The following CHD6 variants were observed in gnomAD, a reference collection of about 807,000 sequenced individuals.
The protein encoded by CHD6 is ATP-dependent chromatin remodeler CHD6.
In CHD6, 50 loss-of-function variants were observed where a neutral mutation model predicts 276.9. The observed-to-expected ratio is 0.18, with a 90% confidence interval of 0.14 to 0.23. The LOEUF (loss-of-function observed/expected upper bound fraction) is 0.23, where lower values mean the gene tolerates loss of function less well. Ranked by LOEUF, CHD6 falls within the 10% of genes least tolerant of loss-of-function variation. The probability of loss-of-function intolerance (pLI) is 1.00; values close to 1 mark genes in which losing one functional copy is unlikely to be tolerated. For synonymous variants in CHD6, 1,173 were observed against 1,229.3 expected (o/e 0.95, Z 0.96); for missense variants, 2,564 against 3,365.8 (o/e 0.76, Z 5.89).
At chr20:41,582,667 A>C (rs1237260682) in intron 1 of CHD6, among the ~76,000 whole-genome samples, 1 of 152,234 alleles carries the variant, frequency 6.6e-6, no homozygotes, top group Non-Finnish European at 1.5e-5. Context: ...CAAACTAAGA[A>C]AGATGACCAA....
At chr20:41,426,280 C>A in intron 27 of CHD6, 127 bp from the exon 28 acceptor site, 1 of 752,374 alleles carries the variant, frequency 1.3e-6, no homozygotes, top group Non-Finnish European at 2.4e-6. Context: ...ACAACTCAGA[C>A]CAAGATAGGA....
At chr20:41,550,939 T>G (rs1448943596) in intron 2 of CHD6, among the ~76,000 whole-genome samples, 1 of 152,226 alleles carries the variant, frequency 6.6e-6, no homozygotes, top group African/African-American at 2.4e-5. Flanking sequence ...GTAAGAATGC[T>G]TTTAGTTTAA....
At chr20:41,544,043 C>T (rs1331252359) in intron 2 of CHD6, among the ~76,000 whole-genome samples, 2 of 152,124 alleles carry the variant, frequency 1.3e-5, no homozygotes, top group African/African-American at 2.4e-5. Flanking sequence ...AGTTTGAGAT[C>T]AGCCTGGGCA....
At chr20:41,534,940 T>G (rs1386353972) in intron 2 of CHD6, among the ~76,000 whole-genome samples, 2 of 152,156 alleles carry the variant, frequency 1.3e-5, no homozygotes, top group African/African-American at 4.8e-5. Flanking sequence ...TTGGCTCCTG[T>G]GAAGTGCAGA....
rs141169475 is a variant in CHD6, at chr20:41,567,169, G to T, written c.-23-15809C>A. 6.6e-5 allele frequency among the ~76,000 whole-genome samples: 10 copies of T among 152,242 alleles called. No individual in the cohort carries two copies. In the East Asian group the frequency reaches 1.9e-3, roughly 29 times the overall value. The stretch of plus-strand genomic sequence containing the variant: ...CTCTGTTGTTAATTGACTGTACCCT[G>T]GTGTGATGCGCCATCAGGTCTGGCC... On this transcript the variant is annotated intron_variant, in intron 1 of 36. Transcript: ENST00000373233.
intron 2 of CHD6, among the ~76,000 whole-genome samples, chr20:41,534,493 T>A (rs1288704736): frequency 6.6e-6 from 1 of 152,054 alleles, no homozygotes; most frequent in Admixed American, 6.6e-5. Flanking sequence ...CCTTCTGTTT[T>A]TCCAGTTTCT....
rs113550459 is a variant in CHD6, at chr20:41,417,359, G to C, written c.6128-10C>G. ...TACTTCCCTGGATAATCTGGGAAGA[G>C]GTTAAAAAATTAATCAGGCACTTAA... On this transcript the variant is annotated splice_polypyrimidine_tract_variant and intron_variant, in intron 31 of 36. Transcript: ENST00000373233. 4.2e-5 allele frequency: 68 copies of C among 1,608,162 alleles called. 3 individuals are homozygous for C. Among genetic ancestry groups the C allele is most frequent in the African/African-American group, 4.1e-4 (31 of 74,788 alleles).
At chr20:41,467,118 C>A (rs924982097) in intron 17 of CHD6, among the ~76,000 whole-genome samples, 14 of 152,038 alleles carry the variant, frequency 9.2e-5, no homozygotes, top group Admixed American at 7.2e-4. Flanking sequence ...GAAAAATAAA[C>A]CCCTGTTTGG....
Position 41,498,795 on chromosome 20 carries a change from ATGTATGTATGTATGTATGTGTGTGTG to A in CHD6, c.915+474_915+499del, listed in dbSNP as rs2043750347. Among the ~76,000 whole-genome samples the A allele has an allele frequency of 5.0e-5, 4 of 79,556 alleles. No individual in the cohort carries two copies. The South Asian group carries it at 1.7e-3, about 35-fold the overall frequency. 52.2% of individuals were successfully genotyped at this position (79,556 alleles called of 152,430 possible). ...TGTGTATGTGTGTATGTATGTATGT[ATGTATGTATGTATGTATGTGTGTGTG>A]TGTGTGTGTGTGTGTGTGTGTGTGT... On this transcript the variant is annotated intron_variant, in intron 6 of 36. Coordinates refer to ENST00000373233, the MANE Select transcript of CHD6 (RefSeq NM_032221.5).
rs138003835 is a variant in CHD6 at position 41,457,283 on chromosome 20, C to T, written c.2810G>A (p.Arg937Gln). The change falls in exon 18 of 37, where the codon CGA (arginine) becomes CAA (glutamine). Residue 937 changes from arginine (R) to glutamine (Q), a missense_variant. This residue lies in a region of CHD6 where 457 missense variants were observed against 889.0 expected (regional missense o/e 0.51). Transcript: ENST00000373233. Reference protein sequence around the residue: ...LDKAVLQDINRKGGTNGVQQL... With the variant: ...LDKAVLQDINQKGGTNGVQQL... ...ACTCACCCCATTGGTGCCGCCCTTT[C>T]GGTTGATGTCCTGAAGAACAGCCTT... 5.0e-6 allele frequency: 8 copies of T among 1,613,760 alleles called. No homozygotes were observed. The highest frequency in any genetic ancestry group is 2.7e-5 in the African/African-American group (2 of 74,934).
chr20:41,503,752 C>A (rs1309705806), intron 5 of CHD6, among the ~76,000 whole-genome samples: 1 of 152,082 alleles, frequency 6.6e-6, no homozygotes, highest in Non-Finnish European at 1.5e-5. Context: ...CTGCTCCAAT[C>A]TCCTCTATCC....
At chr20:41,607,643 G>T (rs772122520) in intron 1 of CHD6, among the ~76,000 whole-genome samples, 2 of 152,000 alleles carry the variant, frequency 1.3e-5, no homozygotes, top group Non-Finnish European at 2.9e-5. Flanking sequence ...GGAAAGAGAA[G>T]GCTCCATGAA....
intron 32 of CHD6, 150 bp downstream of exon 32, chr20:41,417,047 TA>T (rs2047021486): frequency 1.3e-6 from 1 of 777,792 alleles, no homozygotes; most frequent in South Asian, 2.0e-5. Flanking sequence ...CATGTATCTT[TA>T]ATGTTCAAAT....
chr20:41,516,188 G>T (rs1263735583), intron 3 of CHD6, among the ~76,000 whole-genome samples: 3 of 151,452 alleles, frequency 2.0e-5, no homozygotes, highest in Non-Finnish European at 4.4e-5. Context: ...TTTTTAGACG[G>T]AGTCTCGCGC....
intron 11 of CHD6, among the ~76,000 whole-genome samples, 155 bp downstream of exon 11, chr20:41,491,543 T>TA (rs1376987295): frequency 6.6e-6 from 1 of 151,608 alleles, no homozygotes; most frequent in Admixed American, 6.6e-5. Context: ...AAAAATAAAG[T>TA]AAGTCTTGGA....
chr20:41,420,436 C>G, intron 31 of CHD6, 72 bp downstream of exon 31: 1 of 1,479,996 alleles, frequency 6.8e-7, no homozygotes, highest in East Asian at 2.3e-5. Context: ...AGCACTCTCT[C>G]CCCTAAAACC....
At chr20:41,477,403 A>G (rs2043191553) in intron 16 of CHD6, among the ~76,000 whole-genome samples, 2 of 152,204 alleles carry the variant, frequency 1.3e-5, no homozygotes, top group South Asian at 4.1e-4. Flanking sequence ...TCAGGGAAAT[A>G]GACTATTTTA....
At position 41,415,342 on chromosome 20, in the gene CHD6, T is replaced by G. The variant is rs140533437; in HGVS notation, c.6783A>C (p.Gln2261His). 1.9e-6 allele frequency: 3 copies of G among 1,614,054 alleles called. No homozygotes were observed. Among genetic ancestry groups the G allele is most frequent in the Non-Finnish European group, 2.5e-6 (3 of 1,180,026 alleles). Residue 2261 changes from glutamine to histidine, a missense_variant, in exon 34 of 37, where the codon CAA (glutamine) becomes CAC (histidine). This residue lies in a region of CHD6 where 1,024 missense variants were observed against 1,047.9 expected (regional missense o/e 0.98). Coordinates refer to ENST00000373233, the MANE Select transcript of CHD6 (RefSeq NM_032221.5). The part of the protein sequence containing the change: ...ALGMDLSGIL[Q>H]AGLIHPVTGQ... Reference sequence around the variant, plus strand: ...CAGTCACAGGATGGATCAGGCCAGCTTGCAGAATCCCAGACAAGTCCATGC... The same window carrying G: ...CAGTCACAGGATGGATCAGGCCAGCGTGCAGAATCCCAGACAAGTCCATGC...
At chr20:41,606,444 G>T (rs2045829565) in intron 1 of CHD6, among the ~76,000 whole-genome samples, 1 of 152,184 alleles carries the variant, frequency 6.6e-6, no homozygotes, top group Non-Finnish European at 1.5e-5. Context: ...AACCCAGGAG[G>T]TGGAGTTTGC....
Sources: gnomAD v4.1 joint callset for allele counts (sites outside exome capture counted in the v4.1 genomes callset) on GRCh38, gnomAD v4.1.1 for gene constraint, gnomAD v4.1.1 regional missense constraint, MANE v1.5 for transcripts, NCBI Gene and HGNC (gene_info 2026-07-23, HGNC 2026-07-21) for gene names.